Variants in ESRRG observed in about 807,000 individuals in gnomAD.
The protein encoded by ESRRG is estrogen related receptor gamma, also known as estrogen-related receptor gamma.
ESRRG carries 13 observed loss-of-function variants against 44.0 expected under a neutral mutation model. The observed-to-expected ratio is 0.30, with a 90% confidence interval of 0.19 to 0.47. ESRRG has a LOEUF of 0.47. ESRRG is among the 20% of genes least tolerant of loss of function. ESRRG has a pLI of 1.00. For synonymous variants in ESRRG, 215 were observed against 214.6 expected, an observed-to-expected ratio of 1.00 and a Z score of -0.02; for missense variants, 395 against 580.6, an observed-to-expected ratio of 0.68 and a Z score of 3.29.
intron 2 of ESRRG, among the ~76,000 whole-genome samples, chr1:216,675,108 C>T (rs150859230): frequency 0.014 from 2,103 of 152,174 alleles, 29 homozygotes; most frequent in Middle Eastern, 0.058. Flanking sequence ...TGCCTGTAAT[C>T]CCAGCACTTT....
At chr1:216,881,392 A>G (rs1054936701) in intron 2 of ESRRG, among the ~76,000 whole-genome samples, 17 of 152,176 alleles carry the variant, frequency 1.1e-4, no homozygotes, top group African/African-American at 4.1e-4. Context: ...AGAGATATTA[A>G]CAGATGTAAG....
intron 1 of ESRRG, among the ~76,000 whole-genome samples, chr1:217,036,022 A>G (rs2082829846): frequency 6.6e-6 from 1 of 152,234 alleles, no homozygotes; most frequent in Non-Finnish European, 1.5e-5. Context: ...ACATTTCTCA[A>G]AAGAAGACAT....
chr1:216,650,169 T>C (rs919593206), intron 3 of ESRRG, among the ~76,000 whole-genome samples: 2 of 152,166 alleles, frequency 1.3e-5, no homozygotes, highest in Admixed American at 6.6e-5. Flanking sequence ...AAATTCTAAA[T>C]GCAGCATGTA....
intron 5 of ESRRG, among the ~76,000 whole-genome samples, chr1:216,530,533 T>C (rs115734252): frequency 6.6e-6 from 1 of 152,118 alleles, no homozygotes; most frequent in African/African-American, 2.4e-5. Context: ...TTTGTGTAAC[T>C]GTTTTCCCGT....
chr1:216,597,449 T>C (rs1371147937), intron 3 of ESRRG, among the ~76,000 whole-genome samples: 3 of 152,160 alleles, frequency 2.0e-5, no homozygotes, highest in African/African-American at 7.2e-5. Flanking sequence ...GATATTTCAG[T>C]CACAGAGAAC....
chr1:216,843,476 T>C (rs955631919), intron 2 of ESRRG, among the ~76,000 whole-genome samples: 6 of 152,132 alleles, frequency 3.9e-5, no homozygotes, highest in African/African-American at 1.2e-4. Context: ...CAAGCTAAGA[T>C]TGATGAAAAA....
intron 2 of ESRRG, among the ~76,000 whole-genome samples, chr1:216,780,815 G>A (rs1291614386): frequency 2.6e-5 from 4 of 151,986 alleles, no homozygotes; most frequent in Non-Finnish European, 4.4e-5. Flanking sequence ...GCATTCTCAC[G>A]TGCCTTATGT....
intron 3 of ESRRG, among the ~76,000 whole-genome samples, chr1:216,573,998 T>C (rs1223468773): frequency 6.6e-6 from 1 of 152,050 alleles, no homozygotes; most frequent in Non-Finnish European, 1.5e-5. Context: ...TGTCTCTGTA[T>C]ACCTTTTCAA....
At chr1:216,746,444 T>C (rs1014816267) in intron 2 of ESRRG, among the ~76,000 whole-genome samples, 3 of 152,202 alleles carry the variant, frequency 2.0e-5, no homozygotes, top group African/African-American at 7.2e-5. Flanking sequence ...TAGTGTTTTA[T>C]ATCCCAAATA....
chr1:217,026,067 C>T (rs1282999178), intron 1 of ESRRG, among the ~76,000 whole-genome samples: 2 of 152,170 alleles, frequency 1.3e-5, no homozygotes, highest in Admixed American at 6.5e-5. Flanking sequence ...TGAGGTCACC[C>T]GTGCATGGTG....
intron 2 of ESRRG, among the ~76,000 whole-genome samples, chr1:216,898,451 C>G (rs2058678456): frequency 6.6e-6 from 1 of 152,004 alleles, no homozygotes; most frequent in South Asian, 2.1e-4. Flanking sequence ...AAACCCATCT[C>G]TACTAAAAAT....
intron 2 of ESRRG, among the ~76,000 whole-genome samples, chr1:216,750,447 C>T (rs2091897984): frequency 6.6e-6 from 1 of 152,024 alleles, no homozygotes; most frequent in Non-Finnish European, 1.5e-5. Context: ...AGTTTGTGGT[C>T]TTTTAAAAAA....
intron 5 of ESRRG, among the ~76,000 whole-genome samples, chr1:216,563,608 G>A (rs2059169720): frequency 6.6e-6 from 1 of 151,990 alleles, no homozygotes; most frequent in Admixed American, 6.6e-5. Flanking sequence ...TTACAAGCAT[G>A]TACATATTTG....
At chr1:217,053,097 T>G (rs905244309) in intron 1 of ESRRG, among the ~76,000 whole-genome samples, 1 of 143,796 alleles carries the variant, frequency 7.0e-6, no homozygotes. Flanking sequence ...CCTAGAAGTT[T>G]GATACCAGCT....
chr1:216,636,182 T>G (rs1258514508), intron 3 of ESRRG, among the ~76,000 whole-genome samples: 1 of 152,330 alleles, frequency 6.6e-6, no homozygotes, highest in South Asian at 2.1e-4. Context: ...ATGATCTTAC[T>G]AGTATGCTAT....
intron 1 of ESRRG, among the ~76,000 whole-genome samples, chr1:217,120,912 T>G (rs1418462613): frequency 6.6e-6 from 1 of 152,210 alleles, no homozygotes; most frequent in Non-Finnish European, 1.5e-5. Flanking sequence ...GTCTCTGCCA[T>G]TAGACTATAA....
At chr1:216,738,672 T>G (rs533787044) in intron 2 of ESRRG, among the ~76,000 whole-genome samples, 1 of 152,116 alleles carries the variant, frequency 6.6e-6, no homozygotes, top group Non-Finnish European at 1.5e-5. Flanking sequence ...TATGAAATGG[T>G]GAGACAGTAA....
intron 1 of ESRRG, among the ~76,000 whole-genome samples, chr1:217,075,600 A>G (rs963820518): frequency 8.8e-6 from 1 of 113,578 alleles, no homozygotes; most frequent in Admixed American, 8.4e-5. Context: ...CCCCCCCCCA[A>G]CATTAATTAC....
At chr1:216,949,624 A>C (rs566919179) in intron 1 of ESRRG, among the ~76,000 whole-genome samples, 1 of 152,292 alleles carries the variant, frequency 6.6e-6, no homozygotes, top group South Asian at 2.1e-4. Flanking sequence ...TTTCAAAAAA[A>C]TTACAATATT....
Sources: gnomAD v4.1 joint callset for allele counts (sites outside exome capture counted in the v4.1 genomes callset) on GRCh38, gnomAD v4.1.1 for gene constraint, MANE v1.5 for transcripts, NCBI Gene and HGNC (gene_info 2026-07-23, HGNC 2026-07-21) for gene names.